Variants in SLC38A4 observed in about 807,000 individuals in gnomAD.
The protein encoded by SLC38A4 is sodium-coupled neutral amino acid transporter 4.
A neutral mutation model predicts 63.1 loss-of-function variants in SLC38A4; 20 were observed. The ratio of observed to expected loss-of-function variants is 0.32; its 90% CI spans 0.22 to 0.46. SLC38A4 has a LOEUF of 0.46. Ranked by LOEUF, SLC38A4 falls within the 20% of genes least tolerant of loss-of-function variation. The pLI is 1.00. For synonymous variants in SLC38A4, 230 were observed against 225.5 expected (o/e 1.02, Z -0.18); for missense variants, 526 against 663.6 (o/e 0.79, Z 2.28).
Position 46,815,308 on chromosome 12 carries a change from C to CAG in SLC38A4, c.-305+10593_-305+10594dup, listed in dbSNP as rs1555173040. 1.3e-3 allele frequency among the ~76,000 whole-genome samples: 185 copies of CAG among 143,042 alleles called. 2 individuals carry two copies. The highest frequency in any genetic ancestry group is 3.3e-3 in the African/African-American group (128 of 38,544). 93.8% of individuals were successfully genotyped at this position (143,042 alleles called of 152,430 possible). On this transcript the variant is annotated intron_variant, in intron 1 of 16. Transcript: ENST00000266579. ...ATACACACACACACACACACACACA[C>CAG]AGAGATTGAGAATATGAATCATATT... is the stretch of plus-strand genomic sequence containing the variant.
intron 2 of SLC38A4, among the ~76,000 whole-genome samples, chr12:46,801,480 G>A (rs1389617321): frequency 1.3e-5 from 2 of 152,050 alleles, no homozygotes; most frequent in African/African-American, 2.4e-5. Flanking sequence ...AGTGAAAAAG[G>A]GAGCTAATAT....
At chr12:46,811,202 A>C (rs1029890941) in intron 1 of SLC38A4, among the ~76,000 whole-genome samples, 4 of 151,964 alleles carry the variant, frequency 2.6e-5, no homozygotes, top group African/African-American at 9.7e-5. Context: ...TAAAAGACCC[A>C]ATCTCTCCTC....
chr12:46,802,156 C>G (rs1231160766), intron 2 of SLC38A4, among the ~76,000 whole-genome samples: 2 of 152,054 alleles, frequency 1.3e-5, no homozygotes, highest in Non-Finnish European at 2.9e-5. Flanking sequence ...TACAGACTTT[C>G]TAGCTCTGCT....
In SLC38A4 at chr12:46,766,484, G is replaced by A; in HGVS notation, c.*217C>T. 3 of 642,700 alleles carry A rather than the reference G, an allele frequency of 4.7e-6. No homozygotes were observed. Among genetic ancestry groups the A allele is most frequent in the Non-Finnish European group, 5.8e-6 (2 of 346,458 alleles). The allele number at this position is 642,700 out of a possible 1,614,324, so 39.8% of individuals were successfully genotyped here. A position where few individuals can be genotyped will look rare whatever the true frequency, so the allele number is the denominator to read the frequency against. On this transcript the variant is annotated 3_prime_UTR_variant, in exon 17 of 17. Transcript: ENST00000266579. ...GCTCTAGCAAAACCTGGGTAGAAAT[G>A]TGCACCACAGGTTTTATTTTAAACA...
intron 16 of SLC38A4, among the ~76,000 whole-genome samples, chr12:46,767,346 T>TA (rs1938322200): frequency 1.3e-5 from 2 of 152,148 alleles, no homozygotes; most frequent in Admixed American, 1.3e-4. Flanking sequence ...GAAGAGGCCT[T>TA]ACATTTTATC....
intron 13 of SLC38A4, among the ~76,000 whole-genome samples, chr12:46,776,486 A>T (rs1938527641): frequency 6.6e-6 from 1 of 152,034 alleles, no homozygotes; most frequent in African/African-American, 2.4e-5. Context: ...GGTAAAGAGG[A>T]GGCAAATTCA....
intron 2 of SLC38A4, among the ~76,000 whole-genome samples, chr12:46,802,091 G>A (rs930629375): frequency 6.6e-5 from 10 of 152,018 alleles, no homozygotes; most frequent in African/African-American, 1.9e-4. Flanking sequence ...AATTAAAGCA[G>A]CCATTTGATG....
At chr12:46,827,644 G>C (rs758840417), upstream of SLC38A4, among the ~76,000 whole-genome samples, 2 of 151,954 alleles carry the variant, frequency 1.3e-5, no homozygotes, top group African/African-American at 2.4e-5. Flanking sequence ...AAAATCAGAA[G>C]AGAAATCCCC....
At chr12:46,817,555 T>G (rs1372470605) in intron 1 of SLC38A4, among the ~76,000 whole-genome samples, 3 of 151,808 alleles carry the variant, frequency 2.0e-5, no homozygotes, top group Non-Finnish European at 4.4e-5. Context: ...CAACCCTTCT[T>G]GCACTTATTG....
chr12:46,823,204 C>T (rs1939585866), intron 1 of SLC38A4, among the ~76,000 whole-genome samples: 1 of 152,076 alleles, frequency 6.6e-6, no homozygotes, highest in Admixed American at 6.6e-5. Flanking sequence ...GAGCGGTATG[C>T]AAAATTCAGT....
At chr12:46,824,480 C>G (rs906398118) in intron 1 of SLC38A4, 1 of 152,182 alleles carries the variant, frequency 6.6e-6, no homozygotes, top group Non-Finnish European at 1.5e-5. Flanking sequence ...CCTCCTTAAT[C>G]CCACTGAAGT....
chr12:46,793,076 G>T lies in SLC38A4; in HGVS notation c.-5C>A. 1.2e-6 allele frequency: 2 copies of T among 1,604,388 alleles called. No individual in the cohort carries two copies. The highest frequency in any genetic ancestry group is 1.7e-6 in the Non-Finnish European group (2 of 1,171,760). On this transcript the variant is annotated 5_prime_UTR_variant, in exon 3 of 17. Coordinates refer to ENST00000266579, the MANE Select transcript of SLC38A4 (RefSeq NM_018018.5). ...TCTCAGTTCCATGGGATCCATTTGAGCTGTCAGCGCTTTCTTGTCCACACA... is the reference window on the plus strand; with the variant it reads ...TCTCAGTTCCATGGGATCCATTTGATCTGTCAGCGCTTTCTTGTCCACACA...
At chr12:46,792,785 G>A (rs1426678906) in intron 3 of SLC38A4, among the ~76,000 whole-genome samples, 168 bp downstream of exon 3, 1 of 152,126 alleles carries the variant, frequency 6.6e-6, no homozygotes, top group Non-Finnish European at 1.5e-5. Flanking sequence ...AAAAGAGATT[G>A]ACATTATCAC....
Position 46,775,068 on chromosome 12 carries a change from A to G in SLC38A4, c.1280T>C (p.Val427Ala). The G allele has an allele frequency of 1.2e-6, 2 of 1,612,712 alleles. No homozygotes were observed. Among genetic ancestry groups the G allele is most frequent in the Non-Finnish European group, 1.7e-6 (2 of 1,179,060 alleles). ...LAVLVAVTLT[V>A]PIVLFPIRTS... ...ACTTACTGGGAAGAGGACAATGGGC[A>G]CAGTTAGTGTTACTGCCACAAGGAC... The change falls in exon 14 of 17, where the codon GTG (valine) becomes GCG (alanine). Residue 427 changes from valine to alanine, a missense_variant. Val to Ala is a moderately conservative substitution (Grantham distance 64). Transcript: ENST00000266579.
intron 2 of SLC38A4, among the ~76,000 whole-genome samples, chr12:46,802,361 A>G (rs1565673661): frequency 6.6e-6 from 1 of 152,046 alleles, no homozygotes; most frequent in Non-Finnish European, 1.5e-5. Flanking sequence ...AGTTCCATTC[A>G]TTATAATAGA....
intron 1 of SLC38A4, among the ~76,000 whole-genome samples, chr12:46,814,657 C>T (rs1003169388): frequency 2.0e-5 from 3 of 152,096 alleles, no homozygotes; most frequent in Non-Finnish European, 2.9e-5. Context: ...GGTCTAATCA[C>T]ATTCAGTAGA....
At chr12:46,773,412 A>G (rs1170662306) in intron 14 of SLC38A4, among the ~76,000 whole-genome samples, 1 of 152,096 alleles carries the variant, frequency 6.6e-6, no homozygotes, top group African/African-American at 2.4e-5. Flanking sequence ...AAGGGTGAGG[A>G]CAGGATAATG....
At chr12:46,818,452 T>C (rs1381025838) in intron 1 of SLC38A4, among the ~76,000 whole-genome samples, 1 of 151,948 alleles carries the variant, frequency 6.6e-6, no homozygotes, top group Non-Finnish European at 1.5e-5. Context: ...ACATGATTTT[T>C]CATGATCCTT....
chr12:46,784,518 C>T, intron 7 of SLC38A4, 24 bp downstream of exon 7: 1 of 1,564,104 alleles, frequency 6.4e-7, no homozygotes. Flanking sequence ...TTTATGGGAT[C>T]CATTGAAAAG....
Sources: allele counts gnomAD v4.1 joint callset (sites outside exome capture counted in the v4.1 genomes callset), GRCh38; gene constraint gnomAD v4.1.1; transcripts MANE v1.5; gene names NCBI Gene and HGNC (gene_info 2026-07-23, HGNC 2026-07-21).